Variants in MAPK4 observed in about 807,000 individuals in gnomAD.
MAPK4 encodes mitogen-activated protein kinase 4.
Under a neutral mutation model 47.7 loss-of-function variants are expected in MAPK4, and 22 were observed. The ratio of observed to expected loss-of-function variants is 0.46; its 90% CI spans 0.33 to 0.66. The LOEUF is 0.66. Among genes scored for constraint, MAPK4 ranks in the 30% least tolerant of loss-of-function variants. The pLI is 0.02. For missense variants in MAPK4, 736 were observed against 831.7 expected, an observed-to-expected ratio of 0.88 and a Z score of 1.42; for synonymous variants, 390 against 365.7, an observed-to-expected ratio of 1.07 and a Z score of -0.76.
Position 50,683,356 on chromosome 18 carries a change from C to T in MAPK4, c.546+18852C>T, listed in dbSNP as rs149001654. Among the ~76,000 whole-genome samples the T allele has an allele frequency of 1.1e-4, 16 of 152,002 alleles. No individual in the cohort carries two copies. In the East Asian group the frequency reaches 2.9e-3, roughly 28 times the overall value. Reference sequence around the variant, plus strand: ...CAGGCTGGTCTTGAACTCCTGACCTCGAGTGATCCGCCTGCCTCACCCTCC... The same window carrying T: ...CAGGCTGGTCTTGAACTCCTGACCTTGAGTGATCCGCCTGCCTCACCCTCC... On this transcript the variant is annotated intron_variant, in intron 2 of 5. Transcript: ENST00000400384.
intron 2 of MAPK4, among the ~76,000 whole-genome samples, chr18:50,698,173 T>C (rs183983235): frequency 6.6e-6 from 1 of 152,288 alleles, no homozygotes; most frequent in East Asian, 1.9e-4. Flanking sequence ...CAAATCGGGC[T>C]ACAATTCAAC....
chr18:50,657,452 G>C (rs969754879), intron 1 of MAPK4, among the ~76,000 whole-genome samples: 2 of 152,154 alleles, frequency 1.3e-5, no homozygotes, highest in African/African-American at 4.8e-5. Flanking sequence ...AACTGCAGAA[G>C]CTGAGGCCGG....
intron 2 of MAPK4, among the ~76,000 whole-genome samples, chr18:50,685,338 C>A (rs748131473): frequency 6.6e-6 from 1 of 152,246 alleles, no homozygotes; most frequent in Non-Finnish European, 1.5e-5. Context: ...CCCGGTGGGT[C>A]TTGGCTTCCT....
intron 2 of MAPK4, among the ~76,000 whole-genome samples, chr18:50,700,972 C>T (rs1159651186): frequency 6.6e-6 from 1 of 152,148 alleles, no homozygotes; most frequent in Non-Finnish European, 1.5e-5. Flanking sequence ...TTCAAAACCA[C>T]ACCAGCTCCC....
intron 2 of MAPK4, among the ~76,000 whole-genome samples, chr18:50,711,488 C>T (rs1441057610): frequency 1.3e-5 from 2 of 152,246 alleles, no homozygotes; most frequent in African/African-American, 4.8e-5. Context: ...CACTTCATGT[C>T]TTCTCAGAGC....
intron 1 of MAPK4, among the ~76,000 whole-genome samples, chr18:50,600,625 G>C (rs2042527290): frequency 6.6e-6 from 1 of 152,166 alleles, no homozygotes; most frequent in South Asian, 2.1e-4. Context: ...CCACGGACCT[G>C]TGCTAAGCTG....
chr18:50,630,686 T>C (rs969948904), intron 1 of MAPK4, among the ~76,000 whole-genome samples: 1 of 152,242 alleles, frequency 6.6e-6, no homozygotes, highest in Non-Finnish European at 1.5e-5. Context: ...AGGTGCTTAG[T>C]GGTCTGCTGG....
At chr18:50,598,268 A>C (rs529107164) in intron 1 of MAPK4, among the ~76,000 whole-genome samples, 38 of 152,342 alleles carry the variant, frequency 2.5e-4, no homozygotes, top group South Asian at 4.1e-4. Context: ...GTCCTCCAGG[A>C]ATTTCTAACT....
At chr18:50,617,903 C>G (rs1335891798) in intron 1 of MAPK4, among the ~76,000 whole-genome samples, 1 of 152,200 alleles carries the variant, frequency 6.6e-6, no homozygotes, top group Non-Finnish European at 1.5e-5. Context: ...GAATCTTCTC[C>G]ATGTTGTTCT....
chr18:50,682,905 A>G (rs1908666414), intron 2 of MAPK4, among the ~76,000 whole-genome samples: 1 of 152,252 alleles, frequency 6.6e-6, no homozygotes, highest in South Asian at 2.1e-4. Flanking sequence ...ATAAAAGGGA[A>G]TAAACCATTC....
chr18:50,729,100 C>T lies in MAPK4; in HGVS notation c.1068-58C>T, dbSNP rs1230910200. 23 of 1,442,192 alleles carry T rather than the reference C, an allele frequency of 1.6e-5. No individual in the cohort carries two copies. The East Asian group carries it at 4.9e-4, about 31-fold the overall frequency. 89.3% of individuals were successfully genotyped at this position (1,442,192 alleles called of 1,614,324 possible). A position where few individuals can be genotyped will look rare whatever the true frequency, so the allele number is the denominator to read the frequency against. On this transcript the variant is annotated intron_variant, in intron 5 of 5. Coordinates refer to ENST00000400384, the MANE Select transcript of MAPK4 (RefSeq NM_002747.4). ...AAACAGGGATTAGAGGGCTTGGCTC[C>T]CTCCCGGAAGCTACCTGGCTTGGGC...
chr18:50,697,500 C>T (rs1449759196), intron 2 of MAPK4, among the ~76,000 whole-genome samples: 1 of 152,172 alleles, frequency 6.6e-6, no homozygotes, highest in Non-Finnish European at 1.5e-5. Flanking sequence ...ACCGTAAGTG[C>T]TTTTAGTAAT....
chr18:50,723,050 G>A (rs958740702), intron 4 of MAPK4, among the ~76,000 whole-genome samples: 2 of 152,198 alleles, frequency 1.3e-5, no homozygotes, highest in South Asian at 4.1e-4. Context: ...AGGAGTTAAG[G>A]TGAAGCTTGT....
intron 1 of MAPK4, among the ~76,000 whole-genome samples, chr18:50,598,079 G>T (rs945605028): frequency 6.6e-6 from 1 of 152,182 alleles, no homozygotes; most frequent in Admixed American, 6.5e-5. Context: ...AAAGCTTCCT[G>T]GGCCTTCACG....
rs1181678602 is a variant in MAPK4 at position 50,731,309 on chromosome 18, G to A, written c.*1455G>A. On this transcript the variant is annotated 3_prime_UTR_variant, in exon 6 of 6. Transcript: ENST00000400384. Reference sequence around the variant, plus strand: ...TGGGGACACTGACAGCCCCTATCTGGTCCCCAGGAACATTCTACCATTTCT... The same window carrying A: ...TGGGGACACTGACAGCCCCTATCTGATCCCCAGGAACATTCTACCATTTCT... The A allele has an allele frequency of 1.3e-5, 2 of 152,226 alleles. No homozygotes were observed. The highest frequency in any genetic ancestry group is 2.9e-5 in the Non-Finnish European group (2 of 68,086). The allele number at this position is 152,226 out of a possible 1,614,324, so 9.4% of individuals were successfully genotyped here.
chr18:50,718,558 G>T (rs1029872142), intron 3 of MAPK4, among the ~76,000 whole-genome samples: 1 of 152,098 alleles, frequency 6.6e-6, no homozygotes, highest in Non-Finnish European at 1.5e-5. Context: ...TAAATCTTAG[G>T]CACCATAGGA....
chr18:50,691,813 G>T (rs1409674096), intron 2 of MAPK4, among the ~76,000 whole-genome samples: 2 of 152,162 alleles, frequency 1.3e-5, no homozygotes, highest in Non-Finnish European at 2.9e-5. Flanking sequence ...GAGAATAAAA[G>T]TATCGGCAGC....
chr18:50,709,523 C>T (rs1489422080), intron 2 of MAPK4, among the ~76,000 whole-genome samples: 12 of 152,358 alleles, frequency 7.9e-5, no homozygotes, highest in Admixed American at 5.2e-4. Flanking sequence ...TACGCTGAAA[C>T]GCCTTCCGCA....
chr18:50,711,137 T>C (rs1248060569), intron 2 of MAPK4, among the ~76,000 whole-genome samples: 1 of 152,214 alleles, frequency 6.6e-6, no homozygotes, highest in Non-Finnish European at 1.5e-5. Context: ...AAGAGAATGC[T>C]CAGAGCTTTA....
Sources: gnomAD v4.1 joint callset for allele counts (sites outside exome capture counted in the v4.1 genomes callset) on GRCh38, gnomAD v4.1.1 for gene constraint, MANE v1.5 for transcripts, NCBI Gene and HGNC (gene_info 2026-07-23, HGNC 2026-07-21) for gene names.